SNRPB: variants seen among roughly 807,000 people sequenced by gnomAD.
SNRPB encodes small nuclear ribonucleoprotein polypeptides B and B1, also known as small nuclear ribonucleoprotein-associated proteins B and B'.
Under a neutral mutation model 26.6 loss-of-function variants are expected in SNRPB, and 5 were observed. That is an observed-to-expected ratio of 0.19 (90% confidence interval 0.10 to 0.39). The LOEUF is 0.39. Among genes scored for constraint, SNRPB ranks in the 10% least tolerant of loss-of-function variants. SNRPB has a pLI of 1.00. For synonymous variants in SNRPB, 122 were observed against 105.8 expected, an observed-to-expected ratio of 1.15 and a Z score of -0.94; for missense variants, 211 against 311.9, an observed-to-expected ratio of 0.68 and a Z score of 2.44.
Position 2,463,996 on chromosome 20 carries a change from A to T in SNRPB, c.268-97T>A, listed in dbSNP as rs113320885. 3.0e-4 allele frequency: 309 copies of T among 1,018,632 alleles called. No individual in the cohort carries two copies. Among genetic ancestry groups the T allele is most frequent in the Non-Finnish European group, 4.2e-4 (276 of 655,876 alleles). 63.1% of individuals were successfully genotyped at this position (1,018,632 alleles called of 1,614,324 possible). A position where few individuals can be genotyped will look rare whatever the true frequency, so the allele number is the denominator to read the frequency against. On this transcript the variant is annotated intron_variant, in intron 3 of 6. Transcript: ENST00000381342. The surrounding 1 kb of genome is among the most constrained non-coding windows in gnomAD (Gnocchi z 5.0). ...CCAAGAGAGCCCCTCGAAATAGCTT[A>T]TAAATACTATCGAAATAGCTTATAA...
chr20:2,462,465 G>T (rs923384616), intron 6 of SNRPB, 171 bp downstream of exon 6: 9 of 697,674 alleles, frequency 1.3e-5, no homozygotes, highest in Admixed American at 4.4e-5. Flanking sequence ...TTTTCTAAGA[G>T]GGGAGGTAAG....
rs540630596 is a variant in SNRPB at position 2,461,829 on chromosome 20, C to A, written c.*100G>T. ...AACCAGACAATCCCATGAGACTCCA[C>A]GAACAACAGCATAAGAAACAAACAG... On this transcript the variant is annotated 3_prime_UTR_variant, in exon 7 of 7. Coordinates refer to ENST00000381342, the MANE Select transcript of SNRPB (RefSeq NM_003091.4). 2 of 1,613,802 alleles carry A rather than the reference C, an allele frequency of 1.2e-6. No individual in the cohort carries two copies. The highest frequency in any genetic ancestry group is 1.7e-5 in the Admixed American group (1 of 59,956).
chr20:2,464,396 A>T (rs571275320), intron 3 of SNRPB, among the ~76,000 whole-genome samples: 3 of 152,242 alleles, frequency 2.0e-5, no homozygotes, highest in Non-Finnish European at 4.4e-5. Context: ...GGAAGTAGGT[A>T]CTAAGAGATT....
chr20:2,464,612 GAAC>G (rs747470557), intron 3 of SNRPB, among the ~76,000 whole-genome samples: 32 of 152,306 alleles, frequency 2.1e-4, no homozygotes, highest in African/African-American at 6.5e-4. Context: ...TGAAAACACA[GAAC>G]AACATAATAT....
At chr20:2,470,328 G>A (rs1429968363) in intron 1 of SNRPB, among the ~76,000 whole-genome samples, 1 of 152,156 alleles carries the variant, frequency 6.6e-6, no homozygotes, top group African/African-American at 2.4e-5. Flanking sequence ...CCTTTTACCG[G>A]GTCCCCCTGC....
chr20:2,468,400 G>T (rs1428644106), intron 1 of SNRPB, among the ~76,000 whole-genome samples: 1 of 152,182 alleles, frequency 6.6e-6, no homozygotes, highest in African/African-American at 2.4e-5. Context: ...GTTCCAATGT[G>T]CTAAAATAAA....
chr20:2,467,030 AT>A (rs1223791188), intron 2 of SNRPB, among the ~76,000 whole-genome samples: 4 of 152,248 alleles, frequency 2.6e-5, no homozygotes, highest in African/African-American at 9.6e-5. Context: ...GCTAAATCAT[AT>A]CTTTTAATGG....
Position 2,470,568 on chromosome 20 carries a change from C to A in SNRPB, c.3+120G>T. 4 of 1,260,972 alleles carry A rather than the reference C, an allele frequency of 3.2e-6. 1 individual carries two copies. In the South Asian group the frequency reaches 5.0e-5, roughly 16 times the overall value. 78.1% of individuals were successfully genotyped at this position (1,260,972 alleles called of 1,614,324 possible). On this transcript the variant is annotated intron_variant, in intron 1 of 6. Transcript: ENST00000381342. Reference sequence around the variant, plus strand: ...CTTTCCCGCCCAGACCGAGCGGCCTCGGCCCAGGCCTTCACCGCCCTAAGT... The same window carrying A: ...CTTTCCCGCCCAGACCGAGCGGCCTAGGCCCAGGCCTTCACCGCCCTAAGT...
At chr20:2,469,919 C>T (rs1017698613) in intron 1 of SNRPB, among the ~76,000 whole-genome samples, 3 of 152,156 alleles carry the variant, frequency 2.0e-5, no homozygotes, top group African/African-American at 7.2e-5. Context: ...CTTCAGTTCT[C>T]CGGGTCTGTA....
Position 2,463,950 on chromosome 20 carries a change from G to C in SNRPB, c.268-51C>G. The stretch of plus-strand genomic sequence containing the variant: ...ATGCCCAGTGATCTGAAGATCAGAA[G>C]TATACTTTGGAATATCATTGCCAAG... On this transcript the variant is annotated intron_variant, in intron 3 of 6. Coordinates refer to ENST00000381342, the MANE Select transcript of SNRPB (RefSeq NM_003091.4). This position sits in a 1 kb window ranked among gnomAD's most constrained non-coding sequence, Gnocchi z 5.0. The C allele has an allele frequency of 6.6e-7, 1 of 1,513,168 alleles. No homozygotes were observed. Among genetic ancestry groups the C allele is most frequent in the Non-Finnish European group, 9.1e-7 (1 of 1,094,736 alleles). 93.7% of individuals were successfully genotyped at this position (1,513,168 alleles called of 1,614,324 possible).
chr20:2,470,598 C>G, intron 1 of SNRPB, 90 bp downstream of exon 1: 1 of 1,555,742 alleles, frequency 6.4e-7, no homozygotes, highest in Non-Finnish European at 8.8e-7. Context: ...CTAAGTGGCT[C>G]CAACCCACGG....
At chr20:2,466,632 T>C (rs1055579078) in intron 2 of SNRPB, among the ~76,000 whole-genome samples, 1 of 152,224 alleles carries the variant, frequency 6.6e-6, no homozygotes, top group Non-Finnish European at 1.5e-5. Flanking sequence ...TCTTATTTTT[T>C]AAAATAATAA....
intron 1 of SNRPB, among the ~76,000 whole-genome samples, chr20:2,469,545 T>C (rs1179314465): frequency 1.3e-5 from 2 of 151,954 alleles, no homozygotes; most frequent in South Asian, 2.1e-4. Context: ...TACAAAAAAT[T>C]AGCCAAGTGT....
At chr20:2,465,469 G>A (rs994495702) in intron 3 of SNRPB, among the ~76,000 whole-genome samples, 5 of 143,722 alleles carry the variant, frequency 3.5e-5, no homozygotes, top group Admixed American at 1.5e-4. Flanking sequence ...GGCAGGTCTC[G>A]AACTCCTGGG....
intron 6 of SNRPB, 60 bp from the exon 7 acceptor site, chr20:2,461,999 G>GC: frequency 7.9e-7 from 1 of 1,268,534 alleles, no homozygotes; most frequent in Non-Finnish European, 1.1e-6. Flanking sequence ...CCCCAACCCT[G>GC]CCCCAGCCTC....
intron 1 of SNRPB, 125 bp downstream of exon 1, chr20:2,470,563 G>C: frequency 8.6e-7 from 1 of 1,156,368 alleles, no homozygotes; most frequent in South Asian, 1.3e-5. Flanking sequence ...CAGACCGAGC[G>C]GCCTCGGCCC....
In SNRPB at chr20:2,470,749, C is replaced by A; in HGVS notation, c.-59G>T. 1 of 1,605,378 alleles carries A rather than the reference C, an allele frequency of 6.2e-7. No individual in the cohort carries two copies. The highest frequency in any genetic ancestry group is 1.1e-5 in the South Asian group (1 of 90,938). On this transcript the variant is annotated 5_prime_UTR_variant, in exon 1 of 7. Coordinates refer to ENST00000381342, the MANE Select transcript of SNRPB (RefSeq NM_003091.4). ...ATTCGCCTCCTCAGAGGCCTAGCCTCTCTCCCACAGCCGATTTCCCGCCGC... is the reference window on the plus strand; with the variant it reads ...ATTCGCCTCCTCAGAGGCCTAGCCTATCTCCCACAGCCGATTTCCCGCCGC...
chr20:2,463,333 C>A lies in SNRPB; in HGVS notation c.421-106G>T. The A allele has an allele frequency of 1.2e-6, 1 of 842,646 alleles. No individual in the cohort carries two copies. The highest frequency in any genetic ancestry group is 2.0e-6 in the Non-Finnish European group (1 of 496,692). The allele number at this position is 842,646 out of a possible 1,614,324, so 52.2% of individuals were successfully genotyped here. A position where few individuals can be genotyped will look rare whatever the true frequency, so the allele number is the denominator to read the frequency against. ...CAGTGGGAAATAACAGACACCAAATCCCTTAATGCTACAACTCTCAGCACC... is the reference window on the plus strand; with the variant it reads ...CAGTGGGAAATAACAGACACCAAATACCTTAATGCTACAACTCTCAGCACC... On this transcript the variant is annotated intron_variant, in intron 4 of 6. Transcript: ENST00000381342. The surrounding 1 kb of genome is among the most constrained non-coding windows in gnomAD (Gnocchi z 5.0).
At chr20:2,465,628 G>A (rs562622553) in intron 3 of SNRPB, 80 bp downstream of exon 3, 3 of 948,092 alleles carry the variant, frequency 3.2e-6, no homozygotes, top group African/African-American at 3.3e-5. Flanking sequence ...TGTGAGAACT[G>A]CAATGAAACA....
Sources: gnomAD v4.1 joint callset for allele counts (sites outside exome capture counted in the v4.1 genomes callset) on GRCh38, gnomAD v4.1.1 for gene constraint, Gnocchi (gnomAD v3.1) non-coding constraint, MANE v1.5 for transcripts, NCBI Gene and HGNC (gene_info 2026-07-23, HGNC 2026-07-21) for gene names.